The following HERC5 variants were observed in gnomAD, a reference collection of about 807,000 sequenced individuals.
The protein encoded by HERC5 is HECT and RLD domain containing E3 ubiquitin protein ligase 5.
Under a neutral mutation model 119.6 loss-of-function variants are expected in HERC5, and 99 were observed. That is an observed-to-expected ratio of 0.83 (90% CI 0.70 to 0.98). The LOEUF (loss-of-function observed/expected upper bound fraction) is 0.98, where lower values mean the gene tolerates loss of function less well. Ranked by LOEUF, HERC5 falls within the 50% of genes least tolerant of loss-of-function variation. HERC5 has a pLI of 0.00. For synonymous variants in HERC5, 478 were observed against 445.9 expected (o/e 1.07, Z -0.91); for missense variants, 1,267 against 1,241.3 (o/e 1.02, Z -0.31).
At chr4:88,479,806 G>C (rs1390724942) in intron 13 of HERC5, among the ~76,000 whole-genome samples, 1 of 152,024 alleles carries the variant, frequency 6.6e-6, no homozygotes, top group South Asian at 2.1e-4. Context: ...GTTGGCTCAC[G>C]CCTGTCATCC....
intron 10 of HERC5, 38 bp downstream of exon 10, chr4:88,470,711 T>A: frequency 1.1e-6 from 1 of 922,768 alleles, no homozygotes; most frequent in Non-Finnish European, 1.7e-6. Flanking sequence ...TAAATTGTAT[T>A]AAGAGTACCG....
At position 88,465,022 on chromosome 4, in the gene HERC5, G is replaced by A. The variant is rs527311401; in HGVS notation, c.911+1037G>A. ...CCTGACCTTGTGATCCACCTGCCTC[G>A]GCCTCCCAAAGTGCTGGGATTACAG... On this transcript the variant is annotated intron_variant, in intron 6 of 22. Coordinates refer to ENST00000264350, the MANE Select transcript of HERC5 (RefSeq NM_016323.4). Among the ~76,000 whole-genome samples the A allele has an allele frequency of 2.0e-5, 3 of 152,080 alleles. 1 individual carries two copies. The highest frequency in any genetic ancestry group is 1.3e-4 in the Admixed American group (2 of 15,270).
chr4:88,472,642 AC>A, intron 11 of HERC5, 140 bp downstream of exon 11: 1 of 665,020 alleles, frequency 1.5e-6, no homozygotes. Flanking sequence ...AACTCAGATA[AC>A]ATTTAGGAGT....
rs766394501 is a variant in HERC5, at chr4:88,476,019, C to T, written c.1571C>T (p.Ser524Leu). 6 of 1,612,892 alleles carry T rather than the reference C, an allele frequency of 3.7e-6. No individual in the cohort carries two copies. Among genetic ancestry groups the T allele is most frequent in the Non-Finnish European group, 5.1e-6 (6 of 1,179,446 alleles). The change falls in exon 12 of 23, where the codon TCA becomes TTA. Residue 524 changes from serine (S) to leucine (L), a missense_variant. Ser to Leu is a moderately radical substitution (Grantham distance 145, BLOSUM62 -2). This residue lies in a region of HERC5 where 777 missense variants were observed against 758.0 expected (regional missense o/e 1.03). Transcript: ENST00000264350. The part of the protein sequence containing the change: ...KVVCKMSDQS[S>L]LVLEEYWATL... ...GTTTGTAAAATGAGTGACCAGTCTTCACTGGTTCTGGGTAAGTTTGATCAT... is the reference window on the plus strand; with the variant it reads ...GTTTGTAAAATGAGTGACCAGTCTTTACTGGTTCTGGGTAAGTTTGATCAT...
chr4:88,472,386 C>T lies in HERC5; in HGVS notation c.1299-23C>T, dbSNP rs371988480. 117 of 1,363,352 alleles carry T rather than the reference C, an allele frequency of 8.6e-5. No individual in the cohort carries two copies. The African/African-American group carries it at 1.5e-3, about 18-fold the overall frequency. 84.5% of individuals were successfully genotyped at this position (1,363,352 alleles called of 1,614,324 possible). A position where few individuals can be genotyped will look rare whatever the true frequency, so the allele number is the denominator to read the frequency against. ...TCTAGGGAGATAATCTAACAAAATA[C>T]TTAATTTATCTTTCTTCTACAGAAG... On this transcript the variant is annotated intron_variant, in intron 10 of 22. Coordinates refer to ENST00000264350, the MANE Select transcript of HERC5 (RefSeq NM_016323.4).
At chr4:88,461,681 G>T (rs1402670045) in intron 3 of HERC5, among the ~76,000 whole-genome samples, 3 of 152,150 alleles carry the variant, frequency 2.0e-5, no homozygotes, top group African/African-American at 7.2e-5. Context: ...ACTGTAATTT[G>T]AAATTAATTT....
intron 13 of HERC5, among the ~76,000 whole-genome samples, chr4:88,482,819 C>T (rs1483358409): frequency 1.3e-5 from 2 of 151,944 alleles, no homozygotes; most frequent in African/African-American, 4.8e-5. Context: ...TTTGTAGAGA[C>T]GAGGTTTCAC....
intron 13 of HERC5, among the ~76,000 whole-genome samples, chr4:88,483,553 G>A (rs910964554): frequency 8.2e-4 from 98 of 119,702 alleles, no homozygotes; most frequent in Non-Finnish European, 1.4e-3. Context: ...TCCTGAGACA[G>A]AGTCTCATCC....
chr4:88,483,423 G>C (rs1001611623), intron 13 of HERC5, among the ~76,000 whole-genome samples: 1 of 151,772 alleles, frequency 6.6e-6, no homozygotes, highest in African/African-American at 2.4e-5. Flanking sequence ...GCTCAGGCTG[G>C]TCTTGAGCTC....
At position 88,500,907 on chromosome 4, in the gene HERC5, G is replaced by A. The variant is rs770778460; in HGVS notation, c.2512-8G>A. On this transcript the variant is annotated splice_polypyrimidine_tract_variant and splice_region_variant and intron_variant, in intron 19 of 22. Coordinates refer to ENST00000264350, the MANE Select transcript of HERC5 (RefSeq NM_016323.4). ...GGAGATATTATCTGAGTTCATTTGCGGTTACAGGTGCACTGGGACAGAAAC... is the reference window on the plus strand; with the variant it reads ...GGAGATATTATCTGAGTTCATTTGCAGTTACAGGTGCACTGGGACAGAAAC... 41 of 1,604,124 alleles carry A rather than the reference G, an allele frequency of 2.6e-5. No individual in the cohort carries two copies. Among genetic ancestry groups the A allele is most frequent in the African/African-American group, 4.0e-5 (3 of 74,560 alleles).
chr4:88,465,458 C>G (rs1740627890), intron 6 of HERC5, among the ~76,000 whole-genome samples: 1 of 152,158 alleles, frequency 6.6e-6, no homozygotes, highest in South Asian at 2.1e-4. Flanking sequence ...TTCTTATGAT[C>G]TTGGAGTAGA....
chr4:88,462,558 G>A (rs550551626), intron 4 of HERC5, among the ~76,000 whole-genome samples: 2 of 152,264 alleles, frequency 1.3e-5, no homozygotes, highest in East Asian at 3.9e-4. Flanking sequence ...CATGTTTCAG[G>A]GCTGTGTGTG....
intron 18 of HERC5, among the ~76,000 whole-genome samples, chr4:88,498,440 G>A (rs1578067784): frequency 6.6e-6 from 1 of 152,306 alleles, no homozygotes; most frequent in East Asian, 1.9e-4. Flanking sequence ...TTATTCTCAA[G>A]CCTTAAGATT....
chr4:88,485,758 A>G (rs181802170), intron 13 of HERC5, among the ~76,000 whole-genome samples: 29 of 152,234 alleles, frequency 1.9e-4, no homozygotes, highest in Admixed American at 1.8e-3. Flanking sequence ...GTGAATGTCT[A>G]TAAGTGGTAT....
chr4:88,470,606 T>C lies in HERC5; in HGVS notation c.1239-8T>C. ...TTTGGTTTAACCAGTGTCTTATTAC[T>C]AATATAGGGAAATCCAAGAGATATT... On this transcript the variant is annotated splice_region_variant and splice_polypyrimidine_tract_variant and intron_variant, in intron 9 of 22. Coordinates refer to ENST00000264350, the MANE Select transcript of HERC5 (RefSeq NM_016323.4). The C allele has an allele frequency of 2.0e-6, 3 of 1,479,526 alleles. No individual in the cohort carries two copies. The highest frequency in any genetic ancestry group is 2.8e-6 in the Non-Finnish European group (3 of 1,065,536). 91.6% of individuals were successfully genotyped at this position (1,479,526 alleles called of 1,614,324 possible).
chr4:88,492,910 G>A, intron 16 of HERC5, 102 bp from the exon 17 acceptor site: 1 of 1,102,736 alleles, frequency 9.1e-7, no homozygotes. Context: ...CCAAATACTT[G>A]GGTCCACAAT....
At position 88,468,428 on chromosome 4, in the gene HERC5, A is replaced by G. The variant is rs199946875; in HGVS notation, c.1134+6A>G. On this transcript the variant is annotated splice_donor_region_variant and intron_variant, in intron 8 of 22. Coordinates refer to ENST00000264350, the MANE Select transcript of HERC5 (RefSeq NM_016323.4). Reference sequence around the variant, plus strand: ...TGCTCTGGATAAAGAAAGAGGTAAAAATAGATCTCCAGGTGTTCTATAACC... The same window carrying G: ...TGCTCTGGATAAAGAAAGAGGTAAAGATAGATCTCCAGGTGTTCTATAACC... 1 of 1,590,212 alleles carries G rather than the reference A, an allele frequency of 6.3e-7. No homozygotes were observed. Among genetic ancestry groups the G allele is most frequent in the Admixed American group, 1.7e-5 (1 of 59,468 alleles).
At chr4:88,480,444 GT>G (rs563743483) in intron 13 of HERC5, among the ~76,000 whole-genome samples, 104 of 142,098 alleles carry the variant, frequency 7.3e-4, no homozygotes, top group Middle Eastern at 3.7e-3. Context: ...TCTTGTGTGT[GT>G]TTTTTTTTTT....
chr4:88,474,394 CAGACA>C (rs1284291104), intron 11 of HERC5, among the ~76,000 whole-genome samples: 2 of 152,110 alleles, frequency 1.3e-5, no homozygotes, highest in Non-Finnish European at 2.9e-5. Context: ...CACAGTGTGT[CAGACA>C]ATAGGACTGG....
Sources: gnomAD v4.1 joint callset for allele counts (sites outside exome capture counted in the v4.1 genomes callset) on GRCh38, gnomAD v4.1.1 for gene constraint, gnomAD v4.1.1 regional missense constraint, MANE v1.5 for transcripts, NCBI Gene and HGNC (gene_info 2026-07-23, HGNC 2026-07-21) for gene names.